C1orf21: variants seen among roughly 807,000 people sequenced by gnomAD.
C1orf21 encodes the protein chromosome 1 open reading frame 21.
Under a neutral mutation model 18.7 loss-of-function variants are expected in C1orf21, and 3 were observed. That is an observed-to-expected ratio of 0.16 (90% CI 0.07 to 0.42). The LOEUF (loss-of-function observed/expected upper bound fraction) is 0.42, where lower values mean the gene tolerates loss of function less well. Among genes scored for constraint, C1orf21 ranks in the 10% least tolerant of loss-of-function variants. The pLI is 0.99. For synonymous variants in C1orf21, 41 were observed against 46.4 expected, an observed-to-expected ratio of 0.88 and a Z score of 0.47; for missense variants, 104 against 143.6, an observed-to-expected ratio of 0.72 and a Z score of 1.41.
chr1:184,436,577 A>G (rs1446311133), intron 1 of C1orf21, among the ~76,000 whole-genome samples: 1 of 152,146 alleles, frequency 6.6e-6, no homozygotes, highest in Non-Finnish European at 1.5e-5. Context: ...GGAGAAAAAA[A>G]AATGTGACCT....
intron 3 of C1orf21, among the ~76,000 whole-genome samples, chr1:184,569,272 G>GC (rs1659077636): frequency 6.6e-6 from 1 of 152,222 alleles, no homozygotes; most frequent in Non-Finnish European, 1.5e-5. Context: ...GAGCAGTAGA[G>GC]CAGGTGGTGG....
chr1:184,396,257 G>A (rs1280565841), intron 1 of C1orf21, among the ~76,000 whole-genome samples: 2 of 152,142 alleles, frequency 1.3e-5, no homozygotes, highest in Non-Finnish European at 2.9e-5. Flanking sequence ...ATGATGTTTG[G>A]TTCTCTATTG....
chr1:184,501,595 G>A (rs1239027499), intron 2 of C1orf21, among the ~76,000 whole-genome samples: 1 of 152,114 alleles, frequency 6.6e-6, no homozygotes, highest in Non-Finnish European at 1.5e-5. Flanking sequence ...TTTAGAACAG[G>A]GACTGACTGC....
At chr1:184,613,176 T>C (rs147662543) in intron 5 of C1orf21, among the ~76,000 whole-genome samples, 9,038 of 152,186 alleles carry the variant, frequency 0.059, 366 homozygotes, top group African/African-American at 0.1. Context: ...TCTCGAACTC[T>C]TGACCTCAAG....
At chr1:184,594,077 TTTG>T (rs1192277028) in intron 4 of C1orf21, among the ~76,000 whole-genome samples, 2 of 152,204 alleles carry the variant, frequency 1.3e-5, no homozygotes, top group Non-Finnish European at 2.9e-5. Flanking sequence ...GGTCCTCACT[TTTG>T]TTTTTTATTT....
At position 184,429,517 on chromosome 1, in the gene C1orf21, T is replaced by A. The variant is rs182171921; in HGVS notation, c.-125+42149T>A. 3.3e-5 allele frequency among the ~76,000 whole-genome samples: 5 copies of A among 152,308 alleles called. No individual in the cohort carries two copies. In the East Asian group the frequency reaches 9.7e-4, roughly 29 times the overall value. On this transcript the variant is annotated intron_variant, in intron 1 of 5. Coordinates refer to ENST00000235307, the MANE Select transcript of C1orf21 (RefSeq NM_030806.4). ...TTTTTGTACGTGTTTCCATGGACAC[T>A]GTGGATGTTATGTTGAGGTGTCTGC...
intron 1 of C1orf21, among the ~76,000 whole-genome samples, chr1:184,413,694 AG>A (rs1656397296): frequency 6.6e-6 from 1 of 152,170 alleles, no homozygotes; most frequent in Non-Finnish European, 1.5e-5. Flanking sequence ...TAGGAAATGA[AG>A]TGACAAGACT....
At chr1:184,585,528 G>A (rs78625760) in intron 3 of C1orf21, among the ~76,000 whole-genome samples, 9,405 of 152,122 alleles carry the variant, frequency 0.062, 409 homozygotes, top group African/African-American at 0.11. Context: ...AGGTAAATGC[G>A]TGTCATAGGG....
chr1:184,423,880 T>G (rs1217076173), intron 1 of C1orf21, among the ~76,000 whole-genome samples: 3 of 151,614 alleles, frequency 2.0e-5, no homozygotes, highest in Non-Finnish European at 2.9e-5. Flanking sequence ...CATCCATCCA[T>G]CCATCCATCC....
At chr1:184,555,520 C>A (rs1391203215) in intron 3 of C1orf21, among the ~76,000 whole-genome samples, 2 of 142,722 alleles carry the variant, frequency 1.4e-5, no homozygotes, top group Non-Finnish European at 3.0e-5. Flanking sequence ...GAATAGCACA[C>A]ACACCCCCAC....
chr1:184,533,006 C>A (rs1196154241), intron 3 of C1orf21, among the ~76,000 whole-genome samples: 1 of 152,134 alleles, frequency 6.6e-6, no homozygotes, highest in Non-Finnish European at 1.5e-5. Context: ...GTATTAAAGT[C>A]ATCTTTTGTT....
At chr1:184,450,226 A>G (rs1046946119) in intron 1 of C1orf21, among the ~76,000 whole-genome samples, 9 of 152,108 alleles carry the variant, frequency 5.9e-5, no homozygotes, top group Admixed American at 4.6e-4. Flanking sequence ...GGGATTCTCC[A>G]TGTCAGGGAG....
At chr1:184,428,961 C>T (rs1656688474) in intron 1 of C1orf21, among the ~76,000 whole-genome samples, 1 of 152,144 alleles carries the variant, frequency 6.6e-6, no homozygotes, top group Admixed American at 6.5e-5. Context: ...CACCCTGCCC[C>T]CCAGCTTACA....
intron 3 of C1orf21, among the ~76,000 whole-genome samples, chr1:184,554,815 G>C (rs890944322): frequency 6.6e-6 from 1 of 152,154 alleles, no homozygotes; most frequent in Admixed American, 6.5e-5. Flanking sequence ...ATATGATAGG[G>C]TTCTTTTAAT....
At chr1:184,584,753 AC>A (rs1311279504) in intron 3 of C1orf21, among the ~76,000 whole-genome samples, 2 of 152,242 alleles carry the variant, frequency 1.3e-5, no homozygotes, top group Non-Finnish European at 2.9e-5. Context: ...CAAATAGAAT[AC>A]TGTTATATGC....
At chr1:184,566,609 C>T in intron 3 of C1orf21, 1 of 376,974 alleles carries the variant, frequency 2.7e-6, no homozygotes. Context: ...CCTGGTGTGC[C>T]ATAAAACCAC....
chr1:184,560,672 A>T (rs1658951911), intron 3 of C1orf21, among the ~76,000 whole-genome samples: 1 of 152,174 alleles, frequency 6.6e-6, no homozygotes, highest in African/African-American at 2.4e-5. Flanking sequence ...CCAGCCATTG[A>T]CCACAAACAC....
intron 1 of C1orf21, among the ~76,000 whole-genome samples, chr1:184,403,511 TA>T (rs761431156): frequency 3.2e-4 from 48 of 152,324 alleles, no homozygotes; most frequent in Non-Finnish European, 5.6e-4. Context: ...TGGGCAGGGT[TA>T]TACATGAGAC....
At chr1:184,604,068 GAA>G (rs1659619888) in intron 5 of C1orf21, among the ~76,000 whole-genome samples, 1 of 152,208 alleles carries the variant, frequency 6.6e-6, no homozygotes, top group South Asian at 2.1e-4. Flanking sequence ...TTCATCCAGT[GAA>G]GAGAGTGACT....
Sources: allele counts gnomAD v4.1 joint callset (sites outside exome capture counted in the v4.1 genomes callset), GRCh38; gene constraint gnomAD v4.1.1; transcripts MANE v1.5; gene names NCBI Gene and HGNC (gene_info 2026-07-23, HGNC 2026-07-21).